BANK1: variants seen among roughly 807,000 people sequenced by gnomAD.
The protein encoded by BANK1 is B cell scaffold protein with ankyrin repeats 1, also known as B-cell scaffold protein with ankyrin repeats.
Under a neutral mutation model 94.5 loss-of-function variants are expected in BANK1, and 95 were observed. The ratio of observed to expected loss-of-function variants is 1.00; its 90% CI spans 0.85 to 1.19. The LOEUF (loss-of-function observed/expected upper bound fraction) is 1.19. Among genes scored for constraint, BANK1 ranks in the 50% most tolerant of loss-of-function variants. BANK1 has a pLI of 0.00. For missense variants in BANK1, 987 were observed against 932.2 expected (o/e 1.06, Z -0.77); for synonymous variants, 334 against 308.4 (o/e 1.08, Z -0.87).
intron 7 of BANK1, among the ~76,000 whole-genome samples, chr4:102,010,004 C>T (rs1186169884): frequency 9.9e-5 from 15 of 152,126 alleles, no homozygotes; most frequent in South Asian, 2.1e-4. Flanking sequence ...CCGTGGCTCA[C>T]GCCTGTAATC....
At chr4:101,993,431 A>C (rs1475344524) in intron 7 of BANK1, among the ~76,000 whole-genome samples, 1 of 152,188 alleles carries the variant, frequency 6.6e-6, no homozygotes, top group African/African-American at 2.4e-5. Flanking sequence ...TGTTACAGAA[A>C]GCAACAGCAA....
chr4:101,846,654 TAGAG>T (rs964884617), intron 2 of BANK1, among the ~76,000 whole-genome samples: 5 of 152,104 alleles, frequency 3.3e-5, no homozygotes, highest in African/African-American at 9.7e-5. Flanking sequence ...CAGCAGGAGA[TAGAG>T]AGGGCAGGGG....
intron 1 of BANK1, among the ~76,000 whole-genome samples, chr4:101,809,821 A>G (rs1453362815): frequency 6.6e-6 from 1 of 152,216 alleles, no homozygotes; most frequent in African/African-American, 2.4e-5. Flanking sequence ...AGAAGGAACT[A>G]TAGCTGAAAG....
intron 7 of BANK1, among the ~76,000 whole-genome samples, chr4:101,987,339 A>G (rs1016264566): frequency 2.6e-5 from 4 of 152,130 alleles, no homozygotes; most frequent in African/African-American, 9.7e-5. Flanking sequence ...CATTAATACT[A>G]TACCCTCATT....
At chr4:102,067,432 C>CAGAT (rs573163335) in intron 13 of BANK1, among the ~76,000 whole-genome samples, 2 of 151,836 alleles carry the variant, frequency 1.3e-5, no homozygotes, top group Admixed American at 6.6e-5. Flanking sequence ...ATATAAAACA[C>CAGAT]AGATAGATAG....
chr4:101,938,661 A>G (rs1329908248), intron 7 of BANK1, among the ~76,000 whole-genome samples: 1 of 151,686 alleles, frequency 6.6e-6, no homozygotes, highest in Non-Finnish European at 1.5e-5. Context: ...AAGCTTGAGT[A>G]TATGAATGAA....
chr4:101,846,214 G>T (rs1727237787), intron 2 of BANK1, among the ~76,000 whole-genome samples: 1 of 152,164 alleles, frequency 6.6e-6, no homozygotes. Context: ...AGAAAATGTG[G>T]CACATATATA....
chr4:101,941,758 C>T (rs543079828), intron 7 of BANK1, among the ~76,000 whole-genome samples: 152 of 151,758 alleles, frequency 1.0e-3, no homozygotes, highest in African/African-American at 3.4e-3. Context: ...CACACACACA[C>T]ACATATGCTT....
At chr4:101,886,547 A>C (rs1392811101) in intron 5 of BANK1, among the ~76,000 whole-genome samples, 1 of 152,188 alleles carries the variant, frequency 6.6e-6, no homozygotes, top group Non-Finnish European at 1.5e-5. Flanking sequence ...AAAACTTCTT[A>C]TATTTAACAG....
At chr4:101,814,756 T>C (rs1725844670) in intron 1 of BANK1, among the ~76,000 whole-genome samples, 1 of 152,208 alleles carries the variant, frequency 6.6e-6, no homozygotes, top group African/African-American at 2.4e-5. Context: ...TTTAACATTT[T>C]TGTTTTTTCA....
At chr4:101,992,794 A>G (rs956929131) in intron 7 of BANK1, among the ~76,000 whole-genome samples, 2 of 152,190 alleles carry the variant, frequency 1.3e-5, no homozygotes, top group African/African-American at 2.4e-5. Context: ...AGCTTCAAGC[A>G]TGTTTTTATT....
intron 7 of BANK1, among the ~76,000 whole-genome samples, chr4:101,936,272 C>T (rs899052426): frequency 2.0e-5 from 3 of 149,736 alleles, no homozygotes; most frequent in African/African-American, 7.3e-5. Context: ...TGTATGCATA[C>T]ATGTATATGT....
intron 1 of BANK1, among the ~76,000 whole-genome samples, chr4:101,797,001 A>C (rs1216045085): frequency 1.3e-5 from 2 of 152,186 alleles, no homozygotes; most frequent in Non-Finnish European, 2.9e-5. Flanking sequence ...TTTATATACA[A>C]TCTCAGTGGA....
intron 6 of BANK1, among the ~76,000 whole-genome samples, chr4:101,912,184 C>A (rs1426499281): frequency 6.6e-6 from 1 of 152,096 alleles, no homozygotes; most frequent in Non-Finnish European, 1.5e-5. Context: ...GTCTGAAATT[C>A]TTTGAAATTC....
At chr4:102,060,834 C>G (rs6532986) in intron 12 of BANK1, among the ~76,000 whole-genome samples, 1 of 152,064 alleles carries the variant, frequency 6.6e-6, no homozygotes, top group Non-Finnish European at 1.5e-5. Context: ...TTTTTATATA[C>G]GTACACATAC....
rs370681387 is a variant in BANK1 at position 102,010,188 on chromosome 4, C to G, written c.1207-11326C>G. Among the ~76,000 whole-genome samples, 4 of 151,476 alleles carry G rather than the reference C, an allele frequency of 2.6e-5. No homozygotes were observed. The South Asian group carries it at 8.3e-4, about 32-fold the overall frequency. ...GCTGAGGCAGGAGAATGGCGTGAAC[C>G]CGGGAGGCAGAGCTTGCAGTGAGCA... On this transcript the variant is annotated intron_variant, in intron 7 of 16. Transcript: ENST00000322953.
chr4:101,831,817 C>T (rs930501454), intron 2 of BANK1, among the ~76,000 whole-genome samples: 9 of 152,158 alleles, frequency 5.9e-5, no homozygotes, highest in Non-Finnish European at 8.8e-5. Context: ...ATTTTAGCAA[C>T]TTATACATAA....
chr4:101,869,887 A>C (rs1429940455), intron 4 of BANK1, among the ~76,000 whole-genome samples: 2 of 151,992 alleles, frequency 1.3e-5, no homozygotes, highest in African/African-American at 4.8e-5. Flanking sequence ...AATTCTGCTC[A>C]TATATTACAG....
At chr4:101,805,718 G>T (rs762116379) in intron 1 of BANK1, among the ~76,000 whole-genome samples, 52 of 151,442 alleles carry the variant, frequency 3.4e-4, no homozygotes, top group Non-Finnish European at 6.6e-4. Flanking sequence ...ATTTCTGAAT[G>T]CCACATGAAC....
Sources: gnomAD v4.1 joint callset for allele counts (sites outside exome capture counted in the v4.1 genomes callset) on GRCh38, gnomAD v4.1.1 for gene constraint, MANE v1.5 for transcripts, NCBI Gene and HGNC (gene_info 2026-07-23, HGNC 2026-07-21) for gene names.